CIAO2A: variants seen among roughly 807,000 people sequenced by gnomAD.
CIAO2A encodes the protein MIP18 family protein FAM96A.
CIAO2A carries 17 observed loss-of-function variants against 22.4 expected under a neutral mutation model. That is an observed-to-expected ratio of 0.76 (90% CI 0.52 to 1.14). The LOEUF is 1.14. CIAO2A is among the 50% of genes most tolerant of loss of function. CIAO2A has a pLI of 0.00. For synonymous variants in CIAO2A, 74 were observed against 72.3 expected (o/e 1.02, Z -0.12); for missense variants, 192 against 191.4 (o/e 1.00, Z -0.02).
intron 2 of CIAO2A, among the ~76,000 whole-genome samples, chr15:64,084,105 A>G (rs1422599216): frequency 6.6e-6 from 1 of 152,166 alleles, no homozygotes; most frequent in Non-Finnish European, 1.5e-5. Context: ...AACAGTTTTT[A>G]TTTCATGCAC....
chr15:64,080,451 G>C (rs1567305781), intron 3 of CIAO2A, among the ~76,000 whole-genome samples: 1 of 152,042 alleles, frequency 6.6e-6, no homozygotes, highest in Non-Finnish European at 1.5e-5. Flanking sequence ...GAGAGGCCGA[G>C]GCGGGTGGAT....
intron 1 of CIAO2A, among the ~76,000 whole-genome samples, chr15:64,091,378 A>G (rs2080838442): frequency 6.6e-6 from 1 of 151,664 alleles, no homozygotes; most frequent in South Asian, 2.1e-4. Flanking sequence ...ACAGCTACTC[A>G]GGAGGCTGAG....
At chr15:64,073,149 G>A in intron 4 of CIAO2A, 121 bp from the exon 5 acceptor site, 3 of 597,082 alleles carry the variant, frequency 5.0e-6, no homozygotes, top group East Asian at 5.7e-5. Flanking sequence ...ACCTGTTTTT[G>A]GCTAATTACT....
chr15:64,077,055 G>T (rs2080723844), intron 3 of CIAO2A, among the ~76,000 whole-genome samples: 1 of 152,142 alleles, frequency 6.6e-6, no homozygotes, highest in South Asian at 2.1e-4. Context: ...GCTCATGCCT[G>T]TAATCCCAGC....
chr15:64,076,804 A>T (rs960999648), intron 3 of CIAO2A, among the ~76,000 whole-genome samples: 2 of 147,838 alleles, frequency 1.4e-5, no homozygotes, highest in Admixed American at 1.4e-4. Context: ...GTCTCACTAC[A>T]GCCTCGACTT....
intron 1 of CIAO2A, among the ~76,000 whole-genome samples, chr15:64,092,025 C>G (rs1254226003): frequency 7.2e-6 from 1 of 138,462 alleles, no homozygotes; most frequent in Admixed American, 7.6e-5. Flanking sequence ...GATTGCACCA[C>G]TGCACTCCAG....
intron 2 of CIAO2A, among the ~76,000 whole-genome samples, chr15:64,083,034 T>C (rs2080768597): frequency 6.6e-6 from 1 of 150,634 alleles, no homozygotes; most frequent in South Asian, 2.1e-4. Flanking sequence ...AGACCCCATC[T>C]CTAAAAGTAA....
chr15:64,083,017 C>T (rs10468031), intron 2 of CIAO2A, among the ~76,000 whole-genome samples: 81,073 of 150,702 alleles, frequency 0.54, 26,901 homozygotes, highest in East Asian at 0.8. Flanking sequence ...GCCTGGGCAA[C>T]GTAGCAAGAC....
intron 2 of CIAO2A, among the ~76,000 whole-genome samples, chr15:64,084,497 C>T (rs141093515): frequency 2.8e-4 from 42 of 152,246 alleles, no homozygotes; most frequent in African/African-American, 9.1e-4. Context: ...AGGCCAGGCA[C>T]GGAGGCTCAC....
intron 2 of CIAO2A, among the ~76,000 whole-genome samples, chr15:64,088,081 C>T (rs1401468615): frequency 2.0e-5 from 3 of 152,192 alleles, no homozygotes; most frequent in African/African-American, 4.8e-5. Context: ...ATCCCCTACT[C>T]ATGAACATTT....
intron 2 of CIAO2A, among the ~76,000 whole-genome samples, chr15:64,085,096 T>C (rs2080783859): frequency 6.8e-6 from 1 of 147,810 alleles, no homozygotes; most frequent in South Asian, 2.1e-4. Flanking sequence ...TAAAATAAAA[T>C]AAAATAAAAT....
At chr15:64,087,582 T>C (rs1008785762) in intron 2 of CIAO2A, among the ~76,000 whole-genome samples, 4 of 152,164 alleles carry the variant, frequency 2.6e-5, no homozygotes, top group African/African-American at 9.7e-5. Context: ...AGACCTCCAG[T>C]CCCTCAAGAT....
At chr15:64,077,418 C>T (rs1456831818) in intron 3 of CIAO2A, among the ~76,000 whole-genome samples, 1 of 152,226 alleles carries the variant, frequency 6.6e-6, no homozygotes, top group Admixed American at 6.5e-5. Context: ...TTTAAAATTA[C>T]ACAGGACTCA....
Position 64,092,456 on chromosome 15 carries a change from T to C in CIAO2A, c.124+1189A>G, listed in dbSNP as rs149037503. 5.7e-4 allele frequency among the ~76,000 whole-genome samples: 87 copies of C among 152,324 alleles called. No homozygotes were observed. In the East Asian group the frequency reaches 0.015, roughly 26 times the overall value. On this transcript the variant is annotated intron_variant, in intron 1 of 4. Coordinates refer to ENST00000300030, the MANE Select transcript of CIAO2A (RefSeq NM_032231.7). Reference sequence around the variant, plus strand: ...ATCTCCCTTTCTCTGAATTTCTGTATCTCTTATTCAGTCTACAGCCTTCTA... The same window carrying C: ...ATCTCCCTTTCTCTGAATTTCTGTACCTCTTATTCAGTCTACAGCCTTCTA...
chr15:64,076,264 G>A (rs1021224136), intron 3 of CIAO2A, among the ~76,000 whole-genome samples: 4 of 151,872 alleles, frequency 2.6e-5, no homozygotes, highest in Admixed American at 2.6e-4. Flanking sequence ...AATCTAGTGT[G>A]GTTTCTTCCA....
intron 4 of CIAO2A, among the ~76,000 whole-genome samples, chr15:64,073,413 T>C (rs1310186543): frequency 2.0e-5 from 3 of 152,228 alleles, no homozygotes; most frequent in African/African-American, 7.2e-5. Flanking sequence ...TATGCTACAA[T>C]GAATACCTTT....
intron 2 of CIAO2A, 111 bp downstream of exon 2, chr15:64,088,576 A>G (rs2080815114): frequency 2.5e-6 from 2 of 804,672 alleles, no homozygotes; most frequent in African/African-American, 3.5e-5. Flanking sequence ...AAAGTGTAAT[A>G]CATACACTGT....
rs922693701 is a variant in CIAO2A, at chr15:64,072,830, G to A, written c.*101C>T. The A allele has an allele frequency of 3.6e-5, 26 of 715,838 alleles. 1 individual carries two copies. Among genetic ancestry groups the A allele is most frequent in the Non-Finnish European group, 5.3e-5 (23 of 430,902 alleles). 44.3% of individuals were successfully genotyped at this position (715,838 alleles called of 1,614,324 possible). On this transcript the variant is annotated 3_prime_UTR_variant, in exon 5 of 5. Coordinates refer to ENST00000300030, the MANE Select transcript of CIAO2A (RefSeq NM_032231.7). The stretch of plus-strand genomic sequence containing the variant: ...AGAATCCTTTAAAAAATACTCTGAG[G>A]TACAAATCACCTATGTATTAAACAT...
intron 3 of CIAO2A, among the ~76,000 whole-genome samples, chr15:64,078,014 T>G (rs188205796): frequency 9.2e-5 from 14 of 152,308 alleles, no homozygotes; most frequent in Admixed American, 4.6e-4. Flanking sequence ...TGTACATATA[T>G]AGAGAGAAAT....
Sources: gnomAD v4.1 joint callset for allele counts (sites outside exome capture counted in the v4.1 genomes callset) on GRCh38, gnomAD v4.1.1 for gene constraint, MANE v1.5 for transcripts, NCBI Gene and HGNC (gene_info 2026-07-23, HGNC 2026-07-21) for gene names.